TBC1D5: variants seen among roughly 807,000 people sequenced by gnomAD.
TBC1D5 encodes the protein TBC1 domain family member 5, also known as TBC1 domain family, member 5.
TBC1D5 carries 75 observed loss-of-function variants against 100.3 expected under a neutral mutation model. The observed-to-expected ratio is 0.75, with a 90% confidence interval of 0.62 to 0.91. The LOEUF (loss-of-function observed/expected upper bound fraction) is 0.91, where lower values mean the gene tolerates loss of function less well. Ranked by LOEUF, TBC1D5 falls within the 40% of genes least tolerant of loss-of-function variation. The pLI is 0.00. For synonymous variants in TBC1D5, 323 were observed against 325.6 expected, an observed-to-expected ratio of 0.99 and a Z score of 0.09; for missense variants, 910 against 942.4, an observed-to-expected ratio of 0.97 and a Z score of 0.45.
chr3:17,722,810 G>A (rs1424167594), intron 1 of TBC1D5, among the ~76,000 whole-genome samples: 1 of 152,192 alleles, frequency 6.6e-6, no homozygotes, highest in African/African-American at 2.4e-5. Context: ...AGGTCTGTTT[G>A]CTCTTCCCAC....
intron 15 of TBC1D5, among the ~76,000 whole-genome samples, chr3:17,261,723 A>G (rs1298577747): frequency 1.3e-5 from 2 of 152,028 alleles, no homozygotes; most frequent in African/African-American, 2.4e-5. Context: ...GGGTTTTGCC[A>G]TGCTGCCCAG....
chr3:17,655,845 AAGTGATAC>A (rs2066011801), intron 1 of TBC1D5, among the ~76,000 whole-genome samples: 1 of 152,232 alleles, frequency 6.6e-6, no homozygotes, highest in Non-Finnish European at 1.5e-5. Flanking sequence ...AAAGGCCAAG[AAGTGATAC>A]AGACATTTAA....
At chr3:17,406,737 G>A (rs867798345) in intron 4 of TBC1D5, 17 of 497,442 alleles carry the variant, frequency 3.4e-5, no homozygotes, top group African/African-American at 1.8e-4. Context: ...CTATAATTAC[G>A]CCAGCTACTG....
intron 17 of TBC1D5, among the ~76,000 whole-genome samples, chr3:17,215,003 G>T (rs2073452953): frequency 6.6e-6 from 1 of 152,034 alleles, no homozygotes; most frequent in Non-Finnish European, 1.5e-5. Flanking sequence ...CTAAGAGCAA[G>T]GAGGAGAAGG....
intron 2 of TBC1D5, 23 bp from the exon 3 acceptor site, chr3:17,508,628 GA>G: frequency 8.6e-7 from 1 of 1,169,346 alleles, no homozygotes; most frequent in Non-Finnish European, 1.3e-6. Context: ...AAAATACAGA[GA>G]AAAATAATAA....
At chr3:17,465,685 C>A (rs906242091) in intron 3 of TBC1D5, among the ~76,000 whole-genome samples, 4 of 152,226 alleles carry the variant, frequency 2.6e-5, no homozygotes, top group Non-Finnish European at 5.9e-5. Context: ...TAAAGTGATA[C>A]TTCCTGCTGT....
intron 13 of TBC1D5, among the ~76,000 whole-genome samples, chr3:17,343,622 T>C (rs2089366520): frequency 1.3e-5 from 2 of 151,836 alleles, no homozygotes; most frequent in Admixed American, 1.3e-4. Flanking sequence ...TGGTAAGCTA[T>C]TGATTATTGC....
At chr3:17,705,920 G>T (rs527537088) in intron 1 of TBC1D5, 3 of 1,010,372 alleles carry the variant, frequency 3.0e-6, no homozygotes, top group Non-Finnish European at 4.2e-6. Context: ...CCTCGGGCCC[G>T]CGGGGCCCGT....
At chr3:17,554,096 A>C (rs528060314) in intron 2 of TBC1D5, among the ~76,000 whole-genome samples, 1 of 152,312 alleles carries the variant, frequency 6.6e-6, no homozygotes, top group East Asian at 1.9e-4. Context: ...ATACAAGGAC[A>C]TATAAGATAG....
intron 19 of TBC1D5, among the ~76,000 whole-genome samples, chr3:17,175,922 A>G (rs912018030): frequency 1.3e-5 from 2 of 152,220 alleles, no homozygotes; most frequent in African/African-American, 4.8e-5. Flanking sequence ...CCTCAGCATG[A>G]GATGCTTGTG....
chr3:17,284,170 T>G (rs1171984386), intron 15 of TBC1D5, among the ~76,000 whole-genome samples: 2 of 149,874 alleles, frequency 1.3e-5, no homozygotes, highest in Non-Finnish European at 3.0e-5. Context: ...CAGGCTGGAG[T>G]GCAGTGGTGC....
intron 2 of TBC1D5, among the ~76,000 whole-genome samples, chr3:17,613,289 T>C (rs1208926450): frequency 1.3e-5 from 2 of 152,246 alleles, no homozygotes; most frequent in Non-Finnish European, 2.9e-5. Flanking sequence ...CTATCATTGA[T>C]GGACATTTGG....
intron 3 of TBC1D5, among the ~76,000 whole-genome samples, chr3:17,451,348 A>C (rs115282053): frequency 0.022 from 3,412 of 152,292 alleles, 122 homozygotes; most frequent in African/African-American, 0.077. Context: ...CAGGATATGA[A>C]CAGACACTTC....
chr3:17,229,509 T>A (rs563712217), intron 17 of TBC1D5, among the ~76,000 whole-genome samples: 2 of 152,150 alleles, frequency 1.3e-5, no homozygotes, highest in Non-Finnish European at 2.9e-5. Flanking sequence ...ATGTGTGGAA[T>A]GAGCTCCTTC....
chr3:17,393,258 A>G (rs1450487009), intron 8 of TBC1D5, among the ~76,000 whole-genome samples: 1 of 151,942 alleles, frequency 6.6e-6, no homozygotes, highest in African/African-American at 2.4e-5. Flanking sequence ...TGGGAGTACA[A>G]CTTACAAGGG....
chr3:17,661,316 TATA>T (rs528918923), intron 1 of TBC1D5, among the ~76,000 whole-genome samples: 150 of 152,252 alleles, frequency 9.9e-4, no homozygotes, highest in African/African-American at 3.3e-3. Context: ...ATCTTCGAAG[TATA>T]TACAGTCTTA....
chr3:17,355,118 TAA>T (rs1207095134), intron 13 of TBC1D5, among the ~76,000 whole-genome samples: 3 of 152,150 alleles, frequency 2.0e-5, no homozygotes, highest in African/African-American at 7.2e-5. Flanking sequence ...TGTTTTCTTA[TAA>T]TAAGCCAAGG....
intron 13 of TBC1D5, among the ~76,000 whole-genome samples, chr3:17,356,646 A>G (rs920373675): frequency 6.6e-6 from 1 of 152,200 alleles, no homozygotes; most frequent in Non-Finnish European, 1.5e-5. Context: ...TATTGTGAAA[A>G]CTTAGAAATC....
At chr3:17,372,136 G>A (rs2092494124) in exon 13 of TBC1D5, 24 of 1,613,730 alleles carry the variant, frequency 1.5e-5, no homozygotes, top group Non-Finnish European at 1.9e-5. Context: ...TCAATATCAT[G>A]CTTCTTCAGT....
Sources: allele counts gnomAD v4.1 joint callset (sites outside exome capture counted in the v4.1 genomes callset), GRCh38; gene constraint gnomAD v4.1.1; transcripts MANE v1.5; gene names NCBI Gene and HGNC (gene_info 2026-07-23, HGNC 2026-07-21).